Variants in UBE3D observed in about 807,000 individuals in gnomAD.
UBE3D encodes the protein E3 ubiquitin-protein ligase E3D.
A neutral mutation model predicts 49.6 loss-of-function variants in UBE3D; 48 were observed. That is an observed-to-expected ratio of 0.97 (90% confidence interval 0.77 to 1.23). The LOEUF is 1.23. Ranked by LOEUF, UBE3D falls within the 50% of genes most tolerant of loss-of-function variation. UBE3D has a pLI of 0.00. For synonymous variants in UBE3D, 189 were observed against 174.2 expected, an observed-to-expected ratio of 1.08 and a Z score of -0.67; for missense variants, 452 against 468.4, an observed-to-expected ratio of 0.96 and a Z score of 0.32.
chr6:82,951,067 T>C (rs902990647), intron 9 of UBE3D, among the ~76,000 whole-genome samples: 1 of 151,200 alleles, frequency 6.6e-6, no homozygotes, highest in African/African-American at 2.4e-5. Context: ...TAGTAAAGAG[T>C]AATTTAATTG....
At chr6:82,896,758 T>G (rs969256624) in intron 9 of UBE3D, among the ~76,000 whole-genome samples, 11 of 152,076 alleles carry the variant, frequency 7.2e-5, no homozygotes, top group East Asian at 1.9e-4. Context: ...CTTTTTTTTT[T>G]TGAGAGAGAG....
chr6:83,025,537 G>A (rs1441496150), intron 5 of UBE3D, among the ~76,000 whole-genome samples: 1 of 152,064 alleles, frequency 6.6e-6, no homozygotes, highest in Non-Finnish European at 1.5e-5. Context: ...ACACTGCTGT[G>A]AGAACAGAAA....
intron 4 of UBE3D, among the ~76,000 whole-genome samples, chr6:83,040,309 G>A (rs1286842871): frequency 2.6e-5 from 4 of 151,964 alleles, no homozygotes; most frequent in East Asian, 1.9e-4. Context: ...ACAGGAACCC[G>A]GGAGGGGAAG....
intron 5 of UBE3D, chr6:83,037,016 G>C (rs1314743572): frequency 6.6e-6 from 1 of 152,180 alleles, no homozygotes; most frequent in Non-Finnish European, 1.5e-5. Flanking sequence ...AAAAAAAAGG[G>C]TGTGGGGGAG....
At chr6:82,886,102 G>A in the UBE3D span, among the ~76,000 whole-genome samples, 1 of 152,126 alleles carries the variant, frequency 6.6e-6, no homozygotes, top group African/African-American at 2.4e-5. Flanking sequence ...AATCTCTAAT[G>A]ACAGTACTCA....
At chr6:82,984,492 T>C (rs985997323) in intron 8 of UBE3D, among the ~76,000 whole-genome samples, 1 of 152,168 alleles carries the variant, frequency 6.6e-6, no homozygotes, top group Non-Finnish European at 1.5e-5. Context: ...CCATAAAGAT[T>C]GTACCATTTT....
At chr6:83,055,189 G>T (rs749391122) in intron 2 of UBE3D, among the ~76,000 whole-genome samples, 4 of 152,040 alleles carry the variant, frequency 2.6e-5, no homozygotes, top group Non-Finnish European at 5.9e-5. Flanking sequence ...GCATAAGGCC[G>T]CATGTTCCCT....
chr6:83,054,877 C>T (rs532011476), intron 2 of UBE3D, among the ~76,000 whole-genome samples: 2 of 152,296 alleles, frequency 1.3e-5, no homozygotes, highest in South Asian at 2.1e-4. Flanking sequence ...TCTTGCATTC[C>T]TGACCTCGTA....
chr6:82,941,250 C>T (rs1402037473), intron 9 of UBE3D, among the ~76,000 whole-genome samples: 3 of 151,792 alleles, frequency 2.0e-5, no homozygotes, highest in Non-Finnish European at 4.4e-5. Flanking sequence ...ACTGGTTACT[C>T]CCAGTGATCT....
At chr6:82,986,838 T>C (rs1024176671) in intron 8 of UBE3D, among the ~76,000 whole-genome samples, 3 of 148,560 alleles carry the variant, frequency 2.0e-5, no homozygotes, top group African/African-American at 4.9e-5. Context: ...ATTACAAAGT[T>C]TTTCATAGGT....
chr6:83,052,030 T>C lies in UBE3D; in HGVS notation c.365+2118A>G, dbSNP rs558761539. 1.3e-4 allele frequency among the ~76,000 whole-genome samples: 20 copies of C among 152,326 alleles called. No individual in the cohort carries two copies. The South Asian group carries it at 4.1e-3, about 32-fold the overall frequency. ...TGCCTGATGCTGAGGAGGATGATGA[T>C]GATGATAAGAACAGTAATTATAGCA... On this transcript the variant is annotated intron_variant, in intron 3 of 9. Coordinates refer to ENST00000369747, the MANE Select transcript of UBE3D (RefSeq NM_198920.3).
chr6:83,019,234 G>T (rs73749502), intron 7 of UBE3D, 98 bp from the exon 8 acceptor site: 2 of 1,095,312 alleles, frequency 1.8e-6, no homozygotes, highest in Non-Finnish European at 1.2e-6. Context: ...GAAAATACCA[G>T]AAAAAATAAA....
intron 8 of UBE3D, among the ~76,000 whole-genome samples, chr6:82,960,867 G>T (rs950693515): frequency 1.3e-5 from 2 of 152,048 alleles, no homozygotes; most frequent in Non-Finnish European, 2.9e-5. Flanking sequence ...AACAACTCAA[G>T]TTTTCAGAAT....
intron 9 of UBE3D, among the ~76,000 whole-genome samples, chr6:82,952,033 T>C (rs1775836013): frequency 6.6e-6 from 1 of 152,188 alleles, no homozygotes; most frequent in African/African-American, 2.4e-5. Context: ...ATTTGAGAAA[T>C]ACTGTTTACT....
At chr6:82,934,169 T>C (rs1774380492) in intron 9 of UBE3D, among the ~76,000 whole-genome samples, 1 of 152,156 alleles carries the variant, frequency 6.6e-6, no homozygotes, top group African/African-American at 2.4e-5. Context: ...ACACACTCTC[T>C]CTCACCCACC....
At chr6:82,896,867 G>A (rs192438246) in intron 9 of UBE3D, among the ~76,000 whole-genome samples, 125 of 151,884 alleles carry the variant, frequency 8.2e-4, no homozygotes, top group African/African-American at 2.9e-3. Context: ...TCAGCCTACT[G>A]AGTAGCTGGG....
rs556781850 is a variant in UBE3D, at chr6:83,022,302, C to T, written c.846+151G>A. On this transcript the variant is annotated intron_variant, in intron 7 of 9. Coordinates refer to ENST00000369747, the MANE Select transcript of UBE3D (RefSeq NM_198920.3). ...TTGGCCTCCCAAAGTGCTGGGATTTCAGGCATAAGCCACCGTGCCCAGCCT... is the reference window on the plus strand; with the variant it reads ...TTGGCCTCCCAAAGTGCTGGGATTTTAGGCATAAGCCACCGTGCCCAGCCT... 8 of 503,074 alleles carry T rather than the reference C, an allele frequency of 1.6e-5. No homozygotes were observed. The South Asian group carries it at 2.7e-4, about 17-fold the overall frequency. 31.2% of individuals were successfully genotyped at this position (503,074 alleles called of 1,614,324 possible).
chr6:82,998,873 G>A (rs892285437), intron 8 of UBE3D, among the ~76,000 whole-genome samples: 4 of 152,124 alleles, frequency 2.6e-5, no homozygotes, highest in African/African-American at 7.2e-5. Context: ...TCAACTGTCC[G>A]CTTTCTCTGT....
chr6:82,962,744 C>T (rs12189651), intron 8 of UBE3D, among the ~76,000 whole-genome samples: 15,390 of 152,142 alleles, frequency 0.1, 892 homozygotes, highest in Non-Finnish European at 0.13. Context: ...TGATCTTTAC[C>T]ATCTAAATCC....
Sources: gnomAD v4.1 joint callset for allele counts (sites outside exome capture counted in the v4.1 genomes callset) on GRCh38, gnomAD v4.1.1 for gene constraint, MANE v1.5 for transcripts, NCBI Gene and HGNC (gene_info 2026-07-23, HGNC 2026-07-21) for gene names.